WASL: variants seen among roughly 807,000 people sequenced by gnomAD.
The protein encoded by WASL is WASP like actin nucleation promoting factor, also known as actin nucleation-promoting factor WASL.
Under a neutral mutation model 55.5 loss-of-function variants are expected in WASL, and 20 were observed. That is an observed-to-expected ratio of 0.36 (90% CI 0.25 to 0.52). The LOEUF (loss-of-function observed/expected upper bound fraction) is 0.52, where lower values mean the gene tolerates loss of function less well. WASL is among the 20% of genes least tolerant of loss of function. WASL has a pLI of 0.92. For synonymous variants in WASL, 249 were observed against 217.6 expected, an observed-to-expected ratio of 1.14 and a Z score of -1.27; for missense variants, 504 against 622.5, an observed-to-expected ratio of 0.81 and a Z score of 2.03.
intron 1 of WASL, among the ~76,000 whole-genome samples, chr7:123,711,780 T>C (rs1196919659): frequency 2.6e-5 from 4 of 152,142 alleles, no homozygotes; most frequent in South Asian, 2.1e-4. Flanking sequence ...ATTAAGAAGA[T>C]ATTAATGAAA....
intron 5 of WASL, among the ~76,000 whole-genome samples, chr7:123,700,194 A>AAC (rs1803560737): frequency 6.7e-6 from 1 of 148,790 alleles, no homozygotes; most frequent in African/African-American, 2.5e-5. Flanking sequence ...AAAAAAAAAA[A>AAC]AAAAAAAAAA....
chr7:123,696,668 G>A lies in WASL; in HGVS notation c.540C>T (p.Asn180=), dbSNP rs78688359. ...TTNRFYGPQV[N]NISHTKEKKK... ...TCTTTTCTTTGGTATGGGAGATGTT[G>A]TTGACTTGTGGACCATAAAATCTAT... The change falls in exon 6 of 11, where the codon AAC becomes AAT. Residue 180 remains asparagine (N), a synonymous_variant. Coordinates refer to ENST00000223023, the MANE Select transcript of WASL (RefSeq NM_003941.4). The A allele has an allele frequency of 5.2e-3, 8,330 of 1,607,294 alleles. 306 individuals are homozygous for A. The East Asian group carries it at 0.1, about 19-fold the overall frequency.
At chr7:123,709,908 G>C (rs1379213491) in intron 1 of WASL, among the ~76,000 whole-genome samples, 1 of 152,124 alleles carries the variant, frequency 6.6e-6, no homozygotes, top group African/African-American at 2.4e-5. Context: ...AAAAAGATTT[G>C]AGTGACTATT....
At chr7:123,723,939 T>C (rs376152257) in intron 1 of WASL, among the ~76,000 whole-genome samples, 2 of 152,338 alleles carry the variant, frequency 1.3e-5, no homozygotes, top group East Asian at 1.9e-4. Context: ...TTCTCATATC[T>C]CTGAAATCTT....
At chr7:123,734,827 G>A (rs1804199022) in intron 1 of WASL, among the ~76,000 whole-genome samples, 1 of 151,920 alleles carries the variant, frequency 6.6e-6, no homozygotes. Flanking sequence ...ATCAATACTG[G>A]ATCATCAATT....
chr7:123,713,337 G>A (rs770962940), intron 1 of WASL, among the ~76,000 whole-genome samples: 1 of 152,112 alleles, frequency 6.6e-6, no homozygotes, highest in Admixed American at 6.6e-5. Flanking sequence ...ATTTTTTGTA[G>A]AGATGCAGTC....
chr7:123,727,811 C>T (rs969203165), intron 1 of WASL, among the ~76,000 whole-genome samples: 13 of 152,092 alleles, frequency 8.5e-5, no homozygotes, highest in Admixed American at 3.3e-4. Context: ...TTTTATTATA[C>T]ATAAATTATA....
At chr7:123,708,930 T>G (rs1803713883) in intron 2 of WASL, among the ~76,000 whole-genome samples, 159 bp downstream of exon 2, 1 of 152,094 alleles carries the variant, frequency 6.6e-6, no homozygotes, top group Non-Finnish European at 1.5e-5. Context: ...TTGGTCATGA[T>G]TTCCGTATGC....
rs148360734 is a variant in WASL, at chr7:123,711,098, G to A, written c.118-1875C>T. On this transcript the variant is annotated intron_variant, in intron 1 of 10. Transcript: ENST00000223023. ...GAAGATCTAAAAATCTCCCTACTTCGCTTTTTACCAGAAATCAAGAAGTAA... is the reference window on the plus strand; with the variant it reads ...GAAGATCTAAAAATCTCCCTACTTCACTTTTTACCAGAAATCAAGAAGTAA... Among the ~76,000 whole-genome samples the A allele has an allele frequency of 2.5e-3, 379 of 151,980 alleles. 3 individuals are homozygous for A. Among genetic ancestry groups the A allele is most frequent in the African/African-American group, 8.5e-3 (352 of 41,460 alleles).
At chr7:123,721,606 T>C (rs1803944997) in intron 1 of WASL, among the ~76,000 whole-genome samples, 1 of 152,194 alleles carries the variant, frequency 6.6e-6, no homozygotes, top group South Asian at 2.1e-4. Flanking sequence ...AGTTTTGTTT[T>C]TAAGATTTAC....
intron 8 of WASL, 68 bp downstream of exon 8, chr7:123,694,645 AAC>A (rs1803464823): frequency 1.3e-6 from 2 of 1,546,302 alleles, no homozygotes; most frequent in Non-Finnish European, 1.8e-6. Flanking sequence ...TATGAATGTT[AAC>A]TGGTTTCCAT....
chr7:123,730,849 C>T (rs10228367), intron 1 of WASL, among the ~76,000 whole-genome samples: 70,588 of 151,792 alleles, frequency 0.47, 16,632 homozygotes, highest in South Asian at 0.66. Flanking sequence ...GTTTGTTATA[C>T]GGGTAAATTG....
chr7:123,731,363 A>C (rs1268424413), intron 1 of WASL, among the ~76,000 whole-genome samples: 1 of 152,210 alleles, frequency 6.6e-6, no homozygotes, highest in Non-Finnish European at 1.5e-5. Context: ...CCTCTATTTT[A>C]CTTAGAGACT....
intron 1 of WASL, among the ~76,000 whole-genome samples, chr7:123,724,253 T>C (rs1804005837): frequency 6.6e-6 from 1 of 152,212 alleles, no homozygotes; most frequent in African/African-American, 2.4e-5. Flanking sequence ...TTTGACACTA[T>C]CTTGTTATGA....
intron 1 of WASL, among the ~76,000 whole-genome samples, chr7:123,710,589 A>G (rs545419129): frequency 6.6e-6 from 1 of 152,298 alleles, no homozygotes; most frequent in East Asian, 1.9e-4. Flanking sequence ...AAAAGTCCAT[A>G]AAGACTTGCT....
At position 123,748,974 on chromosome 7, in the gene WASL, T is replaced by A. The variant is rs1454442178; in HGVS notation, c.-240A>T. 2 of 528,264 alleles carry A rather than the reference T, an allele frequency of 3.8e-6. No individual in the cohort carries two copies. Among genetic ancestry groups the A allele is most frequent in the Non-Finnish European group, 6.6e-6 (2 of 300,942 alleles). 32.7% of individuals were successfully genotyped at this position (528,264 alleles called of 1,614,324 possible). A position where few individuals can be genotyped will look rare whatever the true frequency, so the allele number is the denominator to read the frequency against. On this transcript the variant is annotated 5_prime_UTR_variant, in exon 1 of 11. Coordinates refer to ENST00000223023, the MANE Select transcript of WASL (RefSeq NM_003941.4). ...CCCGCCCGGCCAGGCTAGGGCCGGATGGTCGTTGTCCTCGCACTCCGGCGA... is the reference window on the plus strand; with the variant it reads ...CCCGCCCGGCCAGGCTAGGGCCGGAAGGTCGTTGTCCTCGCACTCCGGCGA...
chr7:123,739,271 T>A (rs1156554147), intron 1 of WASL, among the ~76,000 whole-genome samples: 2 of 152,168 alleles, frequency 1.3e-5, no homozygotes, highest in Non-Finnish European at 2.9e-5. Context: ...AAACTTACCA[T>A]CCACTATCTG....
At chr7:123,725,533 T>C (rs1034902135) in intron 1 of WASL, among the ~76,000 whole-genome samples, 2 of 152,182 alleles carry the variant, frequency 1.3e-5, no homozygotes, top group African/African-American at 4.8e-5. Context: ...TCTTGAAATA[T>C]GTTTTTTTCC....
intron 1 of WASL, among the ~76,000 whole-genome samples, chr7:123,723,516 T>C (rs991670425): frequency 6.6e-6 from 1 of 152,216 alleles, no homozygotes; most frequent in African/African-American, 2.4e-5. Flanking sequence ...TGCTGGCTTG[T>C]ATACATATGA....
Sources: gnomAD v4.1 joint callset for allele counts (sites outside exome capture counted in the v4.1 genomes callset) on GRCh38, gnomAD v4.1.1 for gene constraint, MANE v1.5 for transcripts, NCBI Gene and HGNC (gene_info 2026-07-23, HGNC 2026-07-21) for gene names.